The following DMD variants were observed in gnomAD, a reference collection of about 807,000 sequenced individuals.
DMD encodes the protein mutant dystrophin.
DMD carries 63 observed loss-of-function variants against 330.1 expected under a neutral mutation model. The ratio of observed to expected loss-of-function variants is 0.19; its 90% CI spans 0.16 to 0.24. The LOEUF is 0.24. Ranked by LOEUF, DMD falls within the 10% of genes least tolerant of loss-of-function variation. DMD has a pLI of 1.00. For missense variants in DMD, 3,344 were observed against 2,684.1 expected (o/e 1.25, Z -5.43); for synonymous variants, 1,223 against 959.8 (o/e 1.27, Z -5.07).
chrX:32,720,301 A>G (rs2066156393), intron 7 of DMD, among the ~76,000 whole-genome samples: 1 of 111,499 alleles, frequency 9.0e-6, no homozygotes, highest in African/African-American at 3.3e-5. Context: ...CTCATTTTGC[A>G]CCCATTAAAT....
chrX:32,843,186 G>A (rs1405750655), intron 4 of DMD, among the ~76,000 whole-genome samples: 1 of 111,849 alleles, frequency 8.9e-6, no homozygotes, highest in Non-Finnish European at 1.9e-5. Flanking sequence ...TTTTCTTGCT[G>A]GGGACAGTCA....
intron 33 of DMD, among the ~76,000 whole-genome samples, chrX:32,384,086 C>G (rs2097942417): frequency 9.1e-6 from 1 of 110,037 alleles, no homozygotes; most frequent in Non-Finnish European, 1.9e-5. Flanking sequence ...TAATTTATAA[C>G]TATAACATAC....
At position 32,866,891 on chromosome X, in the gene DMD, G is replaced by A. The variant is rs2082557029; in HGVS notation, c.94-17071C>T. On this transcript the variant is annotated intron_variant, in intron 2 of 78. Coordinates refer to ENST00000357033, the MANE Select transcript of DMD (RefSeq NM_004006.3). Reference sequence around the variant, plus strand: ...TGGGATTACAGGCGCATGCCACCACGCCCAGCTGATTTTTGTATTTTTTTA... The same window carrying A: ...TGGGATTACAGGCGCATGCCACCACACCCAGCTGATTTTTGTATTTTTTTA... Among the ~76,000 whole-genome samples the A allele has an allele frequency of 2.7e-5, 3 of 110,338 alleles. No homozygotes were observed. The South Asian group carries it at 1.2e-3, about 43-fold the overall frequency.
intron 44 of DMD, among the ~76,000 whole-genome samples, chrX:32,000,809 A>G (rs1340554831): frequency 2.7e-5 from 3 of 111,925 alleles, no homozygotes; most frequent in African/African-American, 9.7e-5. Flanking sequence ...ATTCCCACTA[A>G]GCACATTTCA....
At chrX:32,432,178 G>T (rs1048953311) in intron 29 of DMD, among the ~76,000 whole-genome samples, 2 of 111,556 alleles carry the variant, frequency 1.8e-5, no homozygotes, top group Non-Finnish European at 3.8e-5. Context: ...TTTTATGTTT[G>T]TTCTCTCTGC....
chrX:31,770,911 C>T (rs1411449676), intron 51 of DMD, among the ~76,000 whole-genome samples: 2 of 111,865 alleles, frequency 1.8e-5, no homozygotes, highest in African/African-American at 6.5e-5. Context: ...CTTCCTTCAA[C>T]CTCTTTTACC....
rs780733792 is a variant in DMD, at chrX:32,490,511, T to A, written c.2622+766A>T. 2.7e-5 allele frequency among the ~76,000 whole-genome samples: 3 copies of A among 111,454 alleles called. No homozygotes were observed. In the South Asian group the frequency reaches 1.1e-3, roughly 42 times the overall value. Reference sequence around the variant, plus strand: ...ACAGATGACGGTTCCTTGTCCTTTGTCTTACGATTAAGTTTAGTCAGTGAG... The same window carrying A: ...ACAGATGACGGTTCCTTGTCCTTTGACTTACGATTAAGTTTAGTCAGTGAG... On this transcript the variant is annotated intron_variant, in intron 20 of 78. Coordinates refer to ENST00000357033, the MANE Select transcript of DMD (RefSeq NM_004006.3).
chrX:31,885,626 A>G (rs201816095), intron 47 of DMD, among the ~76,000 whole-genome samples: 4 of 88,711 alleles, frequency 4.5e-5, no homozygotes, highest in Non-Finnish European at 9.0e-5. Flanking sequence ...AAAAAAAAAA[A>G]AAAAAAAAAA....
intron 12 of DMD, among the ~76,000 whole-genome samples, chrX:32,602,781 A>G (rs5972616): frequency 0.19 from 20,437 of 110,456 alleles, 4,653 homozygotes; most frequent in African/African-American, 0.64. Context: ...GGGAATCCAA[A>G]TGCCACAACA....
At chrX:32,699,055 A>G (rs2063880654) in intron 8 of DMD, 57 bp downstream of exon 8, 1 of 1,069,590 alleles carries the variant, frequency 9.3e-7, no homozygotes. Flanking sequence ...GTAATACCTA[A>G]AAATGCATAT....
chrX:33,243,795 A>G (rs1189381749), intron 1 of DMD, among the ~76,000 whole-genome samples: 4 of 111,788 alleles, frequency 3.6e-5, no homozygotes, highest in Non-Finnish European at 7.5e-5. Context: ...TGAAAGACAA[A>G]TACTGCATGT....
At chrX:31,501,824 T>C (rs1324967939) in intron 56 of DMD, among the ~76,000 whole-genome samples, 2 of 111,710 alleles carry the variant, frequency 1.8e-5, no homozygotes, top group African/African-American at 6.5e-5. Flanking sequence ...CCTATAAATC[T>C]TTAGTACCCT....
chrX:32,222,899 C>T (rs67849713), intron 43 of DMD, among the ~76,000 whole-genome samples: 9,158 of 111,423 alleles, frequency 0.082, 402 homozygotes, highest in African/African-American at 0.15. Flanking sequence ...TCCCTGAGTA[C>T]ATTACATATA....
At chrX:32,020,043 A>T (rs1400292413) in intron 44 of DMD, among the ~76,000 whole-genome samples, 1 of 112,842 alleles carries the variant, frequency 8.9e-6, no homozygotes, top group Non-Finnish European at 1.9e-5. Flanking sequence ...CTATTGCATA[A>T]GGCTTTGAAA....
intron 1 of DMD, among the ~76,000 whole-genome samples, chrX:33,026,928 A>T (rs1233429650): frequency 8.9e-6 from 1 of 111,965 alleles, no homozygotes; most frequent in African/African-American, 3.3e-5. Context: ...TGTGTTACAT[A>T]GTAGTGCTCA....
At chrX:31,904,206 A>C (rs757319345) in intron 47 of DMD, among the ~76,000 whole-genome samples, 1 of 111,703 alleles carries the variant, frequency 9.0e-6, no homozygotes, top group South Asian at 3.7e-4. Flanking sequence ...CAATTTCTTA[A>C]TATATTACTA....
chrX:32,955,728 AG>A (rs1014347724), intron 2 of DMD, among the ~76,000 whole-genome samples: 3 of 111,858 alleles, frequency 2.7e-5, no homozygotes, highest in African/African-American at 9.8e-5. Flanking sequence ...GGTGTAAGGA[AG>A]GGGTCCAGTT....
At chrX:32,440,586 G>A (rs752313376) in intron 28 of DMD, among the ~76,000 whole-genome samples, 3 of 111,328 alleles carry the variant, frequency 2.7e-5, no homozygotes, top group African/African-American at 9.7e-5. Flanking sequence ...AATGCATAGA[G>A]CTTGAATGAT....
intron 7 of DMD, among the ~76,000 whole-genome samples, chrX:32,731,492 C>G (rs2067640116): frequency 8.9e-6 from 1 of 112,843 alleles, no homozygotes; most frequent in Admixed American, 9.3e-5. Context: ...GCAGTAACCT[C>G]TGCAGATTTA....
Sources: gnomAD v4.1 joint callset for allele counts (sites outside exome capture counted in the v4.1 genomes callset) on GRCh38, gnomAD v4.1.1 for gene constraint, MANE v1.5 for transcripts, NCBI Gene and HGNC (gene_info 2026-07-23, HGNC 2026-07-21) for gene names.